CAMTA1: variants seen among roughly 807,000 people sequenced by gnomAD.
CAMTA1 encodes the protein calmodulin binding transcription activator 1.
CAMTA1 carries 27 observed loss-of-function variants against 170.9 expected under a neutral mutation model. The ratio of observed to expected loss-of-function variants is 0.16; its 90% CI spans 0.12 to 0.22. CAMTA1 has a LOEUF of 0.22. Ranked by LOEUF, CAMTA1 falls within the 10% of genes least tolerant of loss-of-function variation. CAMTA1 has a pLI of 1.00. For missense variants in CAMTA1, 1,619 were observed against 2,217.2 expected (o/e 0.73, Z 5.42); for synonymous variants, 833 against 891.5 (o/e 0.93, Z 1.17).
intron 5 of CAMTA1, among the ~76,000 whole-genome samples, chr1:7,439,506 C>T (rs1292190941): frequency 6.6e-6 from 1 of 152,206 alleles, no homozygotes; most frequent in African/African-American, 2.4e-5. Context: ...GTCGATTCAC[C>T]TGCCTGAGTC....
intron 3 of CAMTA1, among the ~76,000 whole-genome samples, chr1:7,018,676 G>T (rs1700920521): frequency 6.6e-6 from 1 of 152,178 alleles, no homozygotes. Flanking sequence ...ACCGGAATCA[G>T]CACCGCTCTC....
At chr1:7,724,629 G>A (rs1422060558) in intron 11 of CAMTA1, among the ~76,000 whole-genome samples, 1 of 151,842 alleles carries the variant, frequency 6.6e-6, no homozygotes, top group Non-Finnish European at 1.5e-5. Context: ...TCAGGAGATT[G>A]AGACCATCCT....
intron 5 of CAMTA1, among the ~76,000 whole-genome samples, chr1:7,255,098 G>C (rs1249358332): frequency 6.6e-6 from 1 of 152,118 alleles, no homozygotes; most frequent in African/African-American, 2.4e-5. Flanking sequence ...GAGAAGACAT[G>C]GGCACAGGGA....
chr1:6,872,233 T>TCACCACCACCACCACCAC (rs35457975), intron 3 of CAMTA1, among the ~76,000 whole-genome samples: 23 of 150,056 alleles, frequency 1.5e-4, no homozygotes, highest in African/African-American at 4.2e-4. Flanking sequence ...ACCCTCACCA[T>TCACCACCACCACCACCAC]CACCACCACC....
intron 6 of CAMTA1, among the ~76,000 whole-genome samples, chr1:7,499,447 TATGA>T (rs2149781424): frequency 7.7e-6 from 1 of 129,936 alleles, no homozygotes; most frequent in African/African-American, 3.0e-5. Flanking sequence ...TGCATATGTA[TATGA>T]GTGTGTGTGT....
chr1:7,131,098 C>T (rs1645225268), intron 4 of CAMTA1, among the ~76,000 whole-genome samples: 1 of 152,036 alleles, frequency 6.6e-6, no homozygotes, highest in Admixed American at 6.6e-5. Context: ...GGACTACAGG[C>T]ACGCGCCATC....
intron 11 of CAMTA1, among the ~76,000 whole-genome samples, chr1:7,699,291 C>T (rs1030393936): frequency 1.3e-5 from 2 of 151,932 alleles, no homozygotes; most frequent in African/African-American, 4.8e-5. Context: ...TCCTCAGCTC[C>T]CCCCCACCAC....
intron 11 of CAMTA1, among the ~76,000 whole-genome samples, chr1:7,702,572 A>T (rs1342442310): frequency 6.6e-6 from 1 of 152,114 alleles, no homozygotes. Context: ...TCAGCTGAGC[A>T]CTTACAGCGT....
At chr1:6,905,018 G>C (rs1330586472) in intron 3 of CAMTA1, among the ~76,000 whole-genome samples, 2 of 151,994 alleles carry the variant, frequency 1.3e-5, no homozygotes, top group Admixed American at 6.5e-5. Flanking sequence ...GCCCACGCTT[G>C]CCACTCTGGG....
chr1:6,929,335 A>T (rs1363124454), intron 3 of CAMTA1, among the ~76,000 whole-genome samples: 3 of 147,930 alleles, frequency 2.0e-5, no homozygotes, highest in African/African-American at 7.5e-5. Flanking sequence ...GCATACCACC[A>T]TGCCCAGCTA....
chr1:7,104,190 CAT>C (rs1469680494), intron 4 of CAMTA1, among the ~76,000 whole-genome samples: 19 of 151,044 alleles, frequency 1.3e-4, no homozygotes, highest in Non-Finnish European at 2.7e-4. Context: ...ACACAACACA[CAT>C]GCACACACAA....
intron 4 of CAMTA1, among the ~76,000 whole-genome samples, chr1:7,194,876 A>G (rs1655221922): frequency 6.6e-6 from 1 of 152,214 alleles, no homozygotes; most frequent in Non-Finnish European, 1.5e-5. Flanking sequence ...TCTGCCTGCA[A>G]GGCCCTCCTT....
chr1:7,708,061 T>C (rs1429873300), intron 11 of CAMTA1, among the ~76,000 whole-genome samples: 1 of 152,130 alleles, frequency 6.6e-6, no homozygotes, highest in East Asian at 1.9e-4. Context: ...CCAGGTGTGG[T>C]GGCTGACACT....
At chr1:7,640,347 C>A in intron 6 of CAMTA1, 53 bp from the exon 7 acceptor site, 1 of 1,604,926 alleles carries the variant, frequency 6.2e-7, no homozygotes, top group Non-Finnish European at 8.5e-7. Flanking sequence ...GCGGCCCTGA[C>A]CCTGGTGGGC....
chr1:7,765,836 C>T (rs191453140), intron 22 of CAMTA1, among the ~76,000 whole-genome samples: 21 of 152,240 alleles, frequency 1.4e-4, no homozygotes, highest in Admixed American at 8.5e-4. Context: ...ACCATCCTGG[C>T]TAACATGGTG....
intron 3 of CAMTA1, among the ~76,000 whole-genome samples, chr1:6,896,293 G>A (rs1675652131): frequency 6.6e-6 from 1 of 152,084 alleles, no homozygotes; most frequent in Non-Finnish European, 1.5e-5. Flanking sequence ...TAATTTCCTA[G>A]CATTCTTGGT....
At chr1:7,761,195 T>G (rs569120491) in intron 22 of CAMTA1, among the ~76,000 whole-genome samples, 229 of 152,320 alleles carry the variant, frequency 1.5e-3, no homozygotes, top group Non-Finnish European at 2.6e-3. Context: ...TGTTAATAGC[T>G]GAATGGTAAC....
rs1445920757 is a variant in CAMTA1 at position 7,732,528 on chromosome 1, C to G, written c.2995C>G (p.His999Asp). The change falls in exon 12 of 23, where the codon CAC (histidine) becomes GAC (aspartate). Residue 999 changes from histidine to aspartate, a missense_variant. Coordinates refer to ENST00000303635, the MANE Select transcript of CAMTA1 (RefSeq NM_015215.4). This position sits in a 1 kb window ranked among gnomAD's most constrained non-coding sequence, Gnocchi z 4.1. ...RMAEMTGSQQ[H>D]KQASGGGSSG... ...GGCCGAGATGACGGGGTCCCAGCAG[C>G]ACAAACAGGCGAGCGGAGGCGGCAG... 1 of 1,613,774 alleles carries G rather than the reference C, an allele frequency of 6.2e-7. No homozygotes were observed.
rs372926997 is a variant in CAMTA1, at chr1:7,633,991, G to A, written c.511-6409G>A. On this transcript the variant is annotated intron_variant, in intron 6 of 22. Coordinates refer to ENST00000303635, the MANE Select transcript of CAMTA1 (RefSeq NM_015215.4). The surrounding 1 kb of genome is among the most constrained non-coding windows in gnomAD (Gnocchi z 4.1). ...CGGCAGATCTGGGGAATGGGGTGGC[G>A]GGAGCCAGGTGCATGAGGCAGGCAG... is the stretch of plus-strand genomic sequence containing the variant. Among the ~76,000 whole-genome samples the A allele has an allele frequency of 1.3e-5, 2 of 152,208 alleles. No homozygotes were observed. Among genetic ancestry groups the A allele is most frequent in the African/African-American group, 4.8e-5 (2 of 41,458 alleles).
Sources: gnomAD v4.1 joint callset for allele counts (sites outside exome capture counted in the v4.1 genomes callset) on GRCh38, gnomAD v4.1.1 for gene constraint, Gnocchi (gnomAD v3.1) non-coding constraint, MANE v1.5 for transcripts, NCBI Gene and HGNC (gene_info 2026-07-23, HGNC 2026-07-21) for gene names.